Variants in WNK1 observed in about 807,000 individuals in gnomAD.
WNK1 encodes the protein serine/threonine-protein kinase WNK1.
In WNK1, 38 loss-of-function variants were observed where a neutral mutation model predicts 222.8. That is an observed-to-expected ratio of 0.17 (90% CI 0.13 to 0.22). The LOEUF (loss-of-function observed/expected upper bound fraction) is 0.22. Among genes scored for constraint, WNK1 ranks in the 10% least tolerant of loss-of-function variants. WNK1 has a pLI of 1.00. For synonymous variants in WNK1, 1,090 were observed against 1,092.9 expected (o/e 1.00, Z 0.05); for missense variants, 2,348 against 2,918.4 (o/e 0.80, Z 4.50).
intron 6 of WNK1, among the ~76,000 whole-genome samples, chr12:860,607 TTAAG>T (rs1322904627): frequency 2.6e-5 from 4 of 152,202 alleles, no homozygotes; most frequent in African/African-American, 7.2e-5. Context: ...TTTTAGCAGA[TTAAG>T]TAGTTGCCTT....
chr12:792,113 G>A (rs1461039263), intron 1 of WNK1, among the ~76,000 whole-genome samples: 2 of 152,028 alleles, frequency 1.3e-5, no homozygotes, highest in Non-Finnish European at 2.9e-5. Context: ...CGCTAGCCCC[G>A]CAAAAGTGAG....
At chr12:867,774 C>A in intron 8 of WNK1, 1 of 1,351,634 alleles carries the variant, frequency 7.4e-7, no homozygotes, top group Non-Finnish European at 1.0e-6. Context: ...GTAACCATTT[C>A]ATAGGGTTAC....
intron 1 of WNK1, among the ~76,000 whole-genome samples, chr12:769,784 G>A (rs1257436418): frequency 1.3e-5 from 2 of 152,138 alleles, no homozygotes; most frequent in African/African-American, 4.8e-5. Context: ...TTTCCTCGCA[G>A]TTCTGTAGGC....
At chr12:853,857 C>T (rs1950577420) in intron 4 of WNK1, among the ~76,000 whole-genome samples, 1 of 151,920 alleles carries the variant, frequency 6.6e-6, no homozygotes, top group South Asian at 2.1e-4. Context: ...CTGAAATGAT[C>T]CTCTGGCCCA....
At chr12:771,690 C>G (rs1942525863) in intron 1 of WNK1, among the ~76,000 whole-genome samples, 1 of 152,196 alleles carries the variant, frequency 6.6e-6, no homozygotes, top group Non-Finnish European at 1.5e-5. Context: ...CCGCCTCGGC[C>G]TCCCAAAGTG....
At chr12:776,404 T>TTGTTTG (rs1943087729) in intron 1 of WNK1, among the ~76,000 whole-genome samples, 1 of 56,446 alleles carries the variant, frequency 1.8e-5, no homozygotes, top group Non-Finnish European at 3.7e-5. Flanking sequence ...CTGTGTGTGT[T>TTGTTTG]TGTGTGTTTG....
Position 884,675 on chromosome 12 carries a change from G to T in WNK1, c.3871G>T (p.Gly1291Ter). The T allele has an allele frequency of 6.2e-7, 1 of 1,614,124 alleles. No individual in the cohort carries two copies. Among genetic ancestry groups the T allele is most frequent in the South Asian group, 1.1e-5 (1 of 91,078 alleles). Residue 1291 changes from glycine (G) to a stop codon, truncating the protein, a stop_gained, in exon 19 of 28, where the codon GGA (glycine) becomes TGA (stop). Coordinates refer to ENST00000315939, the MANE Select transcript of WNK1 (RefSeq NM_018979.4). LOFTEE classifies it high-confidence loss of function. The surrounding 1 kb of genome is among the most constrained non-coding windows in gnomAD (Gnocchi z 5.6). ...TVAASTAQSP[G>*]MNLSHSASSL... is the part of the protein sequence containing the mutation. ...TGCTGCCTCTACAGCTCAGAGCCCT[G>T]GAATGAACTTGTCTCACTCTGCATC...
chr12:798,530 G>C (rs2153987986), intron 1 of WNK1, among the ~76,000 whole-genome samples: 1 of 152,192 alleles, frequency 6.6e-6, no homozygotes, highest in African/African-American at 2.4e-5. Context: ...TTCCCATCCA[G>C]TATATCGAGT....
intron 9 of WNK1, among the ~76,000 whole-genome samples, chr12:876,841 T>C (rs1223653668): frequency 6.6e-6 from 1 of 152,156 alleles, no homozygotes; most frequent in African/African-American, 2.4e-5. Context: ...GAAAACTATG[T>C]GAAAATGGCC....
chr12:885,669 C>T lies in WNK1; in HGVS notation c.4865C>T (p.Pro1622Leu). 1 of 1,614,182 alleles carries T rather than the reference C, an allele frequency of 6.2e-7. No individual in the cohort carries two copies. Among genetic ancestry groups the T allele is most frequent in the East Asian group, 2.2e-5 (1 of 44,892 alleles). The change falls in exon 19 of 28, where the codon CCT (proline) becomes CTT (leucine). Residue 1622 changes from proline (P) to leucine (L), a missense_variant. This residue lies in a region of WNK1 where 1,144 missense variants were observed against 1,273.6 expected (regional missense o/e 0.90). Coordinates refer to ENST00000315939, the MANE Select transcript of WNK1 (RefSeq NM_018979.4). ...CAGCAGACACTAATTCATAGTCAGCCTCAACCAGCTTTGCTTCCCAACCAG... is the reference window on the plus strand; with the variant it reads ...CAGCAGACACTAATTCATAGTCAGCTTCAACCAGCTTTGCTTCCCAACCAG... ...AVQQTLIHSQ[P>L]QPALLPNQPH...
rs1951219327 is a variant in WNK1 at position 861,543 on chromosome 12, G to GTGAT, written c.1951+202_1951+205dup. The stretch of plus-strand genomic sequence containing the variant: ...TAGAAGGATGGGGTGGTAAGGAAAT[G>GTGAT]TGATTAGGATACAAAATAATTTTAT... On this transcript the variant is annotated intron_variant, in intron 7 of 27. Transcript: ENST00000315939. 2.6e-5 allele frequency among the ~76,000 whole-genome samples: 4 copies of GTGAT among 152,312 alleles called. No individual in the cohort carries two copies. The South Asian group carries it at 8.3e-4, about 32-fold the overall frequency.
intron 4 of WNK1, among the ~76,000 whole-genome samples, chr12:832,060 T>C (rs1039835232): frequency 2.0e-5 from 3 of 152,220 alleles, no homozygotes; most frequent in South Asian, 4.1e-4. Context: ...TGGAAATGTT[T>C]ATTTTTAATT....
chr12:754,130 A>G lies in WNK1; in HGVS notation c.565A>G (p.Ser189Gly), dbSNP rs1364589674. 2 of 1,611,796 alleles carry G rather than the reference A, an allele frequency of 1.2e-6. No homozygotes were observed. Among genetic ancestry groups the G allele is most frequent in the South Asian group, 2.2e-5 (2 of 91,074 alleles). Residue 189 changes from serine (S) to glycine (G), a missense_variant, in exon 1 of 28, where the codon AGC becomes GGC. This residue lies in a region of WNK1 where 185 missense variants were observed against 159.2 expected (regional missense o/e 1.16). Transcript: ENST00000315939. ...GGCGAGAAGTGGCAGCGGCGGCGGC[A>G]GCGCCAAGGAGCCACAGGAGGAACG... ...PPARSGSGGG[S>G]AKEPQEERSQ...
chr12:905,789 CCTGTA>C (rs1955645532), intron 26 of WNK1, among the ~76,000 whole-genome samples: 1 of 152,186 alleles, frequency 6.6e-6, no homozygotes, highest in Non-Finnish European at 1.5e-5. Context: ...CCTCGCGTTT[CCTGTA>C]CTGTAGGGAG....
In WNK1 at chr12:887,292, T is replaced by G; in HGVS notation, c.5352T>G (p.Pro1784=). Residue 1784 remains proline (P), a synonymous_variant, in exon 20 of 28, where the codon CCT becomes CCG. Coordinates refer to ENST00000315939, the MANE Select transcript of WNK1 (RefSeq NM_018979.4). ...PSEQLPPFPG[P]SLTQSQQPLE... is the part of the protein sequence containing the mutation. ...AGCAGCTGCCACCTTTTCCAGGACC[T>G]TCTCTAACCCAGGTGCCTCAAGACT... The G allele has an allele frequency of 6.2e-7, 1 of 1,614,216 alleles. No individual in the cohort carries two copies. The highest frequency in any genetic ancestry group is 8.5e-7 in the Non-Finnish European group (1 of 1,180,016).
intron 4 of WNK1, among the ~76,000 whole-genome samples, chr12:845,330 G>A (rs1454520905): frequency 6.6e-6 from 1 of 152,176 alleles, no homozygotes; most frequent in East Asian, 1.9e-4. Flanking sequence ...CATTGGAAGA[G>A]ATCGATCCTA....
intron 1 of WNK1, among the ~76,000 whole-genome samples, chr12:811,057 A>C (rs945291665): frequency 6.6e-6 from 1 of 152,182 alleles, no homozygotes; most frequent in African/African-American, 2.4e-5. Context: ...GAATGCTGCA[A>C]TTGGGATAGT....
chr12:814,132 C>T (rs1031817288), intron 2 of WNK1, among the ~76,000 whole-genome samples: 1 of 152,120 alleles, frequency 6.6e-6, no homozygotes, highest in African/African-American at 2.4e-5. Context: ...AGTTCGAGAC[C>T]AGCCTGGCCA....
chr12:788,552 A>G (rs186084610), intron 1 of WNK1, among the ~76,000 whole-genome samples: 3 of 152,334 alleles, frequency 2.0e-5, no homozygotes, highest in Admixed American at 2.0e-4. Flanking sequence ...ATACCCAGAC[A>G]GTATATCTGA....
Sources: allele counts gnomAD v4.1 joint callset (sites outside exome capture counted in the v4.1 genomes callset), GRCh38; gene constraint gnomAD v4.1.1; regional missense constraint gnomAD v4.1.1; non-coding constraint Gnocchi (gnomAD v3.1); transcripts MANE v1.5; gene names NCBI Gene and HGNC (gene_info 2026-07-23, HGNC 2026-07-21).